CMSS1: variants seen among roughly 807,000 people sequenced by gnomAD.
The protein encoded by CMSS1 is cms1 ribosomal small subunit homolog, also known as protein CMSS1.
CMSS1 carries 33 observed loss-of-function variants against 43.5 expected under a neutral mutation model. The ratio of observed to expected loss-of-function variants is 0.76; its 90% CI spans 0.57 to 1.01. CMSS1 has a LOEUF of 1.01. CMSS1 is among the 50% of genes least tolerant of loss of function. The pLI is 0.00. For missense variants in CMSS1, 313 were observed against 326.4 expected (o/e 0.96, Z 0.32); for synonymous variants, 115 against 117.2 (o/e 0.98, Z 0.12).
intron 1 of CMSS1, among the ~76,000 whole-genome samples, chr3:100,039,403 T>C (rs1439504755): frequency 6.6e-6 from 1 of 152,178 alleles, no homozygotes; most frequent in Non-Finnish European, 1.5e-5. Context: ...CAGTATGTAG[T>C]ATAAAGATTT....
chr3:100,121,559 A>G (rs1312183080), intron 1 of CMSS1, among the ~76,000 whole-genome samples: 2 of 152,158 alleles, frequency 1.3e-5, no homozygotes, highest in Non-Finnish European at 1.5e-5. Context: ...ATACGTGTAC[A>G]TGTGATGCTA....
At chr3:99,925,047 C>G (rs1262474032) in intron 1 of CMSS1, among the ~76,000 whole-genome samples, 1 of 152,178 alleles carries the variant, frequency 6.6e-6, no homozygotes, top group Non-Finnish European at 1.5e-5. Flanking sequence ...GTAAGAGAAT[C>G]CTTGCACGGT....
At chr3:100,130,711 A>G (rs2066699685) in intron 1 of CMSS1, among the ~76,000 whole-genome samples, 1 of 152,180 alleles carries the variant, frequency 6.6e-6, no homozygotes, top group South Asian at 2.1e-4. Flanking sequence ...CATATTCTCA[A>G]TGGCTTACAT....
chr3:99,888,560 A>G (rs1184316198), intron 1 of CMSS1, among the ~76,000 whole-genome samples: 1 of 152,232 alleles, frequency 6.6e-6, no homozygotes, highest in African/African-American at 2.4e-5. Flanking sequence ...GGTTTTGTAG[A>G]GGTGCCTGTT....
chr3:100,160,803 A>G (rs2067016702), intron 3 of CMSS1, among the ~76,000 whole-genome samples: 1 of 152,240 alleles, frequency 6.6e-6, no homozygotes, highest in Admixed American at 6.5e-5. Context: ...GAAGGAGTCC[A>G]GAGCTATCCT....
intron 1 of CMSS1, among the ~76,000 whole-genome samples, chr3:99,829,279 T>G (rs1179854570): frequency 6.6e-6 from 1 of 152,162 alleles, no homozygotes; most frequent in Non-Finnish European, 1.5e-5. Flanking sequence ...TGAACTGCCT[T>G]TTGTGTCAAA....
intron 1 of CMSS1, chr3:100,039,889 G>C (rs1017368058): frequency 1.3e-5 from 2 of 152,108 alleles, no homozygotes; most frequent in African/African-American, 4.8e-5. Flanking sequence ...GAGTAGCTGG[G>C]ACTACAGACG....
chr3:99,860,085 T>C (rs1944168656), intron 1 of CMSS1, among the ~76,000 whole-genome samples: 2 of 152,202 alleles, frequency 1.3e-5, no homozygotes, highest in African/African-American at 4.8e-5. Context: ...CTTTATGTCC[T>C]TGTTACTGAA....
intron 1 of CMSS1, among the ~76,000 whole-genome samples, chr3:99,878,075 G>A (rs932828784): frequency 1.1e-4 from 16 of 152,150 alleles, no homozygotes; most frequent in African/African-American, 3.9e-4. Flanking sequence ...AGAGGAAAGA[G>A]GATTAGGGCT....
intron 1 of CMSS1, chr3:100,039,699 T>TG (rs1162040039): frequency 3.3e-5 from 5 of 152,068 alleles, no homozygotes; most frequent in African/African-American, 1.2e-4. Flanking sequence ...AAATTAGATA[T>TG]TAAATGGCAT....
intron 3 of CMSS1, among the ~76,000 whole-genome samples, chr3:100,161,824 C>T (rs935976793): frequency 1.1e-4 from 16 of 152,156 alleles, no homozygotes; most frequent in African/African-American, 3.9e-4. Context: ...GTTAAGTCCC[C>T]TTCTCAGTAG....
intron 1 of CMSS1, among the ~76,000 whole-genome samples, chr3:99,819,991 G>T (rs1942402732): frequency 6.6e-6 from 1 of 151,760 alleles, no homozygotes; most frequent in East Asian, 2.0e-4. Flanking sequence ...TTGACCTCGT[G>T]ATCTGCCCAC....
chr3:100,123,868 C>T lies in CMSS1; in HGVS notation c.65-23105C>T, dbSNP rs369459673. Among the ~76,000 whole-genome samples, 3 of 152,272 alleles carry T rather than the reference C, an allele frequency of 2.0e-5. No individual in the cohort carries two copies. The South Asian group carries it at 6.2e-4, about 32-fold the overall frequency. Reference sequence around the variant, plus strand: ...GGTTGGTTAAATTCATGCCAACTTCCCAGTGTTCTTCACCTTTGTTCCTGG... The same window carrying T: ...GGTTGGTTAAATTCATGCCAACTTCTCAGTGTTCTTCACCTTTGTTCCTGG... On this transcript the variant is annotated intron_variant, in intron 1 of 9. Coordinates refer to ENST00000421999, the MANE Select transcript of CMSS1 (RefSeq NM_032359.4).
intron 1 of CMSS1, among the ~76,000 whole-genome samples, chr3:99,959,339 G>A (rs1388729358): frequency 3.3e-5 from 5 of 152,118 alleles, no homozygotes; most frequent in Admixed American, 6.5e-5. Context: ...TAGCAGAGGC[G>A]GGGTTTCGCC....
chr3:99,907,083 G>C (rs970169787), intron 1 of CMSS1, among the ~76,000 whole-genome samples: 2 of 152,072 alleles, frequency 1.3e-5, no homozygotes, highest in South Asian at 2.1e-4. Flanking sequence ...GACTCTTACT[G>C]TTATTTAGAC....
chr3:100,064,332 A>G (rs1436620145), intron 1 of CMSS1, among the ~76,000 whole-genome samples: 5 of 151,616 alleles, frequency 3.3e-5, no homozygotes, highest in Non-Finnish European at 5.9e-5. Context: ...TAAAGGACCA[A>G]TTTGCCACCA....
At chr3:99,868,591 T>G (rs1366990162) in intron 1 of CMSS1, among the ~76,000 whole-genome samples, 2 of 152,258 alleles carry the variant, frequency 1.3e-5, no homozygotes, top group Non-Finnish European at 2.9e-5. Flanking sequence ...GCTGCCTTCC[T>G]TTCTGCATAA....
intron 1 of CMSS1, among the ~76,000 whole-genome samples, chr3:100,015,715 G>C (rs1162411865): frequency 6.6e-6 from 1 of 152,154 alleles, no homozygotes; most frequent in African/African-American, 2.4e-5. Context: ...CATCGTTTTT[G>C]CTTTCATCAA....
At chr3:100,001,666 C>T (rs772287422) in intron 1 of CMSS1, among the ~76,000 whole-genome samples, 1 of 152,106 alleles carries the variant, frequency 6.6e-6, no homozygotes, top group Non-Finnish European at 1.5e-5. Context: ...ACATCTTCTC[C>T]CTTTCTCTTC....
Sources: allele counts gnomAD v4.1 joint callset (sites outside exome capture counted in the v4.1 genomes callset), GRCh38; gene constraint gnomAD v4.1.1; transcripts MANE v1.5; gene names NCBI Gene and HGNC (gene_info 2026-07-23, HGNC 2026-07-21).